The following GPC5 variants were observed in gnomAD, a reference collection of about 807,000 sequenced individuals.
GPC5 encodes the protein glypican-5.
GPC5 carries 47 observed loss-of-function variants against 53.9 expected under a neutral mutation model. The observed-to-expected ratio is 0.87, with a 90% confidence interval of 0.69 to 1.11. The LOEUF (loss-of-function observed/expected upper bound fraction) is 1.11, where lower values mean the gene tolerates loss of function less well. Ranked by LOEUF, GPC5 falls within the 50% of genes most tolerant of loss-of-function variation. The pLI is 0.00. For synonymous variants in GPC5, 286 were observed against 263.3 expected (o/e 1.09, Z -0.84); for missense variants, 748 against 713.1 (o/e 1.05, Z -0.56).
In GPC5 at chr13:92,586,385, T is replaced by G. The variant is rs550008043; in HGVS notation, c.1562-279897T>G. Among the ~76,000 whole-genome samples the G allele has an allele frequency of 7.2e-5, 11 of 152,284 alleles. No individual in the cohort carries two copies. In the East Asian group the frequency reaches 2.1e-3, roughly 29 times the overall value. On this transcript the variant is annotated intron_variant, in intron 7 of 7. Transcript: ENST00000377067. ...GTACCCACAATATGAACAGAAAGCA[T>G]AGCATGTGAGAACAAGAATGTGATA...
intron 7 of GPC5, among the ~76,000 whole-genome samples, chr13:92,417,168 C>G (rs539262015): frequency 6.6e-6 from 1 of 152,278 alleles, no homozygotes; most frequent in East Asian, 1.9e-4. Flanking sequence ...AGTTGGGGAC[C>G]ATCTGCACAG....
At chr13:92,845,723 C>A (rs935727806) in intron 7 of GPC5, among the ~76,000 whole-genome samples, 2 of 151,972 alleles carry the variant, frequency 1.3e-5, no homozygotes, top group Non-Finnish European at 2.9e-5. Flanking sequence ...CTATCTATAC[C>A]GATTTACAGT....
intron 6 of GPC5, among the ~76,000 whole-genome samples, chr13:91,911,364 T>C (rs1470529649): frequency 6.6e-6 from 1 of 151,882 alleles, no homozygotes; most frequent in African/African-American, 2.4e-5. Context: ...GCCAATATGG[T>C]GAAACCCTAT....
intron 7 of GPC5, among the ~76,000 whole-genome samples, chr13:92,294,743 G>T (rs2043021541): frequency 6.7e-6 from 1 of 149,258 alleles, no homozygotes; most frequent in Non-Finnish European, 1.5e-5. Flanking sequence ...CTGTGTTTGG[G>T]TTTGGTTTGT....
chr13:92,159,714 TG>T (rs1187123987), intron 7 of GPC5, among the ~76,000 whole-genome samples: 1 of 145,372 alleles, frequency 6.9e-6, no homozygotes, highest in African/African-American at 2.5e-5. Flanking sequence ...GCCATTCTCC[TG>T]CCTCAGCCTC....
intron 7 of GPC5, among the ~76,000 whole-genome samples, chr13:92,369,218 C>T (rs1328825178): frequency 6.6e-6 from 1 of 152,212 alleles, no homozygotes; most frequent in Non-Finnish European, 1.5e-5. Flanking sequence ...GAGTCTTTCT[C>T]TTTCACCCAG....
At chr13:91,591,500 G>A (rs2032798015) in intron 2 of GPC5, among the ~76,000 whole-genome samples, 1 of 152,094 alleles carries the variant, frequency 6.6e-6, no homozygotes, top group South Asian at 2.1e-4. Flanking sequence ...GCAATTAGGG[G>A]AATTTTCACA....
chr13:91,976,979 C>G (rs1299668926), intron 6 of GPC5, among the ~76,000 whole-genome samples: 1 of 151,732 alleles, frequency 6.6e-6, no homozygotes, highest in Non-Finnish European at 1.5e-5. Context: ...ATGGAGGTTT[C>G]AGTGAACCAA....
At chr13:92,392,704 C>T (rs945982567) in intron 7 of GPC5, among the ~76,000 whole-genome samples, 1 of 151,964 alleles carries the variant, frequency 6.6e-6, no homozygotes, top group East Asian at 1.9e-4. Flanking sequence ...AACAAGTTTA[C>T]AAGAGAAACA....
chr13:92,618,228 A>G (rs1319549025), intron 7 of GPC5, among the ~76,000 whole-genome samples: 1 of 152,130 alleles, frequency 6.6e-6, no homozygotes, highest in East Asian at 1.9e-4. Context: ...GTAAGATTTT[A>G]TTGACATATG....
At chr13:91,784,070 CAT>C (rs2138728171) in intron 5 of GPC5, among the ~76,000 whole-genome samples, 1 of 152,200 alleles carries the variant, frequency 6.6e-6, no homozygotes, top group Non-Finnish European at 1.5e-5. Flanking sequence ...AACTATGAGA[CAT>C]ATTAAATCAG....
At chr13:91,688,390 A>T (rs2035668314) in intron 2 of GPC5, among the ~76,000 whole-genome samples, 1 of 152,238 alleles carries the variant, frequency 6.6e-6, no homozygotes, top group Middle Eastern at 3.4e-3. Context: ...GGTTGGATTT[A>T]AGAAATACTT....
chr13:92,287,802 TC>T (rs1354280211), intron 7 of GPC5, among the ~76,000 whole-genome samples: 7 of 152,196 alleles, frequency 4.6e-5, no homozygotes, highest in Non-Finnish European at 8.8e-5. Flanking sequence ...GTTCATGTCT[TC>T]CATCAAATTT....
intron 2 of GPC5, among the ~76,000 whole-genome samples, chr13:91,471,094 A>AGGTGCC (rs1315237618): frequency 2.0e-5 from 3 of 152,192 alleles, no homozygotes; most frequent in Non-Finnish European, 4.4e-5. Context: ...TTTTGGTTAA[A>AGGTGCC]GGTGCCGGTT....
At position 92,273,721 on chromosome 13, in the gene GPC5, G is replaced by A. The variant is rs557571804; in HGVS notation, c.1561+128732G>A. On this transcript the variant is annotated intron_variant, in intron 7 of 7. Transcript: ENST00000377067. Reference sequence around the variant, plus strand: ...AATGATGTGGAAAGGAAGCTCAAACGTCTACTCTGTGAATTTAAGTGCCAG... The same window carrying A: ...AATGATGTGGAAAGGAAGCTCAAACATCTACTCTGTGAATTTAAGTGCCAG... 3.9e-5 allele frequency among the ~76,000 whole-genome samples: 6 copies of A among 152,164 alleles called. No individual in the cohort carries two copies. The South Asian group carries it at 6.2e-4, about 16-fold the overall frequency.
At chr13:92,062,437 A>T (rs1446750851) in intron 6 of GPC5, among the ~76,000 whole-genome samples, 1 of 152,016 alleles carries the variant, frequency 6.6e-6, no homozygotes, top group African/African-American at 2.4e-5. Flanking sequence ...TGTTTCCTTT[A>T]CACAAAGTTT....
At chr13:92,620,034 A>G (rs926240352) in intron 7 of GPC5, among the ~76,000 whole-genome samples, 1 of 152,106 alleles carries the variant, frequency 6.6e-6, no homozygotes, top group Non-Finnish European at 1.5e-5. Context: ...AAAAATAGCT[A>G]TCAGAGTTAG....
At position 91,467,961 on chromosome 13, in the gene GPC5, C is replaced by A. The variant is rs559692275; in HGVS notation, c.325+19039C>A. 2.0e-5 allele frequency among the ~76,000 whole-genome samples: 3 copies of A among 152,178 alleles called. No individual in the cohort carries two copies. In the South Asian group the frequency reaches 6.2e-4, roughly 32 times the overall value. On this transcript the variant is annotated intron_variant, in intron 2 of 7. Transcript: ENST00000377067. ...CCAGGTTTACTGCAGTTATGTTGAC[C>A]CCAGAATATCGCTGGCTCACATCCA...
chr13:91,770,965 A>G (rs1244650151), intron 5 of GPC5, among the ~76,000 whole-genome samples: 1 of 152,198 alleles, frequency 6.6e-6, no homozygotes, highest in Non-Finnish European at 1.5e-5. Flanking sequence ...AAAGTCTGTC[A>G]TGTTTGTGTT....
Sources: gnomAD v4.1 joint callset for allele counts (sites outside exome capture counted in the v4.1 genomes callset) on GRCh38, gnomAD v4.1.1 for gene constraint, MANE v1.5 for transcripts, NCBI Gene and HGNC (gene_info 2026-07-23, HGNC 2026-07-21) for gene names.